MIPEP: variants seen among roughly 807,000 people sequenced by gnomAD.
MIPEP encodes mitochondrial intermediate peptidase.
MIPEP carries 79 observed loss-of-function variants against 90.3 expected under a neutral mutation model. That is an observed-to-expected ratio of 0.87 (90% CI 0.73 to 1.05). MIPEP has a LOEUF of 1.05. Ranked by LOEUF, MIPEP falls within the 50% of genes least tolerant of loss-of-function variation. The probability of loss-of-function intolerance (pLI) is 0.00; values close to 1 mark genes in which losing one functional copy is unlikely to be tolerated. For synonymous variants in MIPEP, 334 were observed against 315.8 expected (o/e 1.06, Z -0.61); for missense variants, 940 against 905.6 (o/e 1.04, Z -0.49).
At chr13:23,765,373 C>T (rs1424377678) in intron 16 of MIPEP, among the ~76,000 whole-genome samples, 1 of 152,156 alleles carries the variant, frequency 6.6e-6, no homozygotes, top group Non-Finnish European at 1.5e-5. Flanking sequence ...GAGGGAGACA[C>T]CACATTCATA....
At position 23,756,592 on chromosome 13, in the gene MIPEP, T is replaced by G. The variant is rs749541952; in HGVS notation, c.1997A>C (p.Glu666Ala). 23 of 1,613,694 alleles carry G rather than the reference T, an allele frequency of 1.4e-5. No homozygotes were observed. Among genetic ancestry groups the G allele is most frequent in the Non-Finnish European group, 1.9e-5 (23 of 1,180,038 alleles). ...NRAAGERYRREMLAHGGGREP... is the reference protein window; with the variant it reads ...NRAAGERYRRAMLAHGGGREP... ...CCTGCCTCCACCGTGGGCCAGCATC[T>G]CCCTGCGATAGCGCTCCCCGGCAGC... Residue 666 changes from glutamate to alanine, a missense_variant, in exon 18 of 19, where the codon GAG (glutamate) becomes GCG (alanine). Coordinates refer to ENST00000382172, the MANE Select transcript of MIPEP (RefSeq NM_005932.4).
intron 16 of MIPEP, among the ~76,000 whole-genome samples, chr13:23,776,282 C>T (rs969654371): frequency 6.6e-6 from 1 of 152,136 alleles, no homozygotes; most frequent in East Asian, 1.9e-4. Context: ...CCCCAAACAA[C>T]AGCCCCTCCC....
chr13:23,740,873 C>T (rs1952320052), intron 18 of MIPEP, among the ~76,000 whole-genome samples: 1 of 152,196 alleles, frequency 6.6e-6, no homozygotes, highest in Admixed American at 6.5e-5. Flanking sequence ...GAAACTGGAT[C>T]TTCCCTTGTG....
At chr13:23,761,125 TTC>T (rs1242657811) in intron 16 of MIPEP, among the ~76,000 whole-genome samples, 2 of 151,322 alleles carry the variant, frequency 1.3e-5, no homozygotes, top group South Asian at 2.1e-4. Flanking sequence ...TGGGAATGCA[TTC>T]TTTTTTTTTT....
At position 23,858,881 on chromosome 13, in the gene MIPEP, C is replaced by A. The variant is rs1384099585; in HGVS notation, c.1085G>T (p.Ser362Ile). Reference protein sequence around the residue: ...EVMPWDPPYYSGVIRAERYNI... With the variant: ...EVMPWDPPYYIGVIRAERYNI... ...TTACCTTTCTGCACGAATCACACCA[C>A]TGTAGTAAGGGGGGTCCCAGGGCAT... Residue 362 changes from serine to isoleucine, a missense_variant, in exon 10 of 19, where the codon AGT becomes ATT. Coordinates refer to ENST00000382172, the MANE Select transcript of MIPEP (RefSeq NM_005932.4). The A allele has an allele frequency of 1.9e-6, 3 of 1,613,570 alleles. No individual in the cohort carries two copies. Among genetic ancestry groups the A allele is most frequent in the Non-Finnish European group, 2.5e-6 (3 of 1,179,696 alleles).
At chr13:23,843,231 C>G (rs1271286790) in intron 10 of MIPEP, among the ~76,000 whole-genome samples, 1 of 152,018 alleles carries the variant, frequency 6.6e-6, no homozygotes, top group Non-Finnish European at 1.5e-5. Context: ...ATAAAATAGC[C>G]TGGTAACTTC....
chr13:23,760,006 G>A, intron 17 of MIPEP, 90 bp downstream of exon 17: 1 of 1,523,518 alleles, frequency 6.6e-7, no homozygotes, highest in Middle Eastern at 1.7e-4. Flanking sequence ...TGTTATGTGG[G>A]CTGCAGTTCT....
At chr13:23,867,401 A>G (rs1321306681) in intron 7 of MIPEP, among the ~76,000 whole-genome samples, 2 of 152,110 alleles carry the variant, frequency 1.3e-5, no homozygotes, top group African/African-American at 2.4e-5. Context: ...GCACGCTCAC[A>G]TTCCACATTC....
At chr13:23,799,872 A>G (rs1291151067) in intron 16 of MIPEP, among the ~76,000 whole-genome samples, 1 of 152,216 alleles carries the variant, frequency 6.6e-6, no homozygotes, top group East Asian at 1.9e-4. Context: ...TGCCATCAAG[A>G]TGGTGAATTT....
At chr13:23,795,419 C>CA (rs1952947341) in intron 16 of MIPEP, among the ~76,000 whole-genome samples, 1 of 152,100 alleles carries the variant, frequency 6.6e-6, no homozygotes, top group South Asian at 2.1e-4. Context: ...AGCCAAGGTC[C>CA]AAAGCAACCC....
chr13:23,745,619 C>T (rs1407411134), intron 18 of MIPEP, among the ~76,000 whole-genome samples: 3 of 152,038 alleles, frequency 2.0e-5, no homozygotes, highest in Non-Finnish European at 4.4e-5. Context: ...GAGGGTGTCA[C>T]GCAGGAAAGT....
At chr13:23,765,055 A>G (rs1414384378) in intron 16 of MIPEP, among the ~76,000 whole-genome samples, 1 of 152,230 alleles carries the variant, frequency 6.6e-6, no homozygotes. Flanking sequence ...TTCTGCAACC[A>G]CAACCAAACG....
intron 15 of MIPEP, 140 bp downstream of exon 15, chr13:23,809,710 C>A: frequency 1.7e-6 from 1 of 591,674 alleles, no homozygotes; most frequent in Non-Finnish European, 2.9e-6. Flanking sequence ...CAATTTTGGT[C>A]AAGTTCTTTG....
At chr13:23,866,241 T>C (rs949187736) in intron 7 of MIPEP, among the ~76,000 whole-genome samples, 1 of 152,168 alleles carries the variant, frequency 6.6e-6, no homozygotes, top group Non-Finnish European at 1.5e-5. Context: ...GTTTTGTCTG[T>C]ACTACTCCAT....
rs995152742 is a variant in MIPEP at position 23,862,417 on chromosome 13, T to C, written c.993-55A>G. 5 of 972,114 alleles carry C rather than the reference T, an allele frequency of 5.1e-6. No homozygotes were observed. The African/African-American group carries it at 6.5e-5, about 13-fold the overall frequency. The allele number at this position is 972,114 out of a possible 1,614,324, so 60.2% of individuals were successfully genotyped here. On this transcript the variant is annotated intron_variant, in intron 8 of 18. Coordinates refer to ENST00000382172, the MANE Select transcript of MIPEP (RefSeq NM_005932.4). ...GGACAAAATTTTAACAATTACATTA[T>C]GAAAGGACTAGTTTGCTTATGTTAC...
chr13:23,825,553 T>C (rs1868411095), intron 14 of MIPEP, among the ~76,000 whole-genome samples: 2 of 152,232 alleles, frequency 1.3e-5, no homozygotes, highest in South Asian at 4.1e-4. Flanking sequence ...TTCCATTTTA[T>C]GAGACACATT....
At chr13:23,849,861 C>T (rs770107955) in intron 10 of MIPEP, among the ~76,000 whole-genome samples, 2 of 152,208 alleles carry the variant, frequency 1.3e-5, no homozygotes, top group African/African-American at 2.4e-5. Context: ...CAACCTCTGA[C>T]GCACCTGGAA....
In MIPEP at chr13:23,837,647, G is replaced by A; in HGVS notation, c.1448C>T (p.Thr483Ile). Reference sequence around the variant, plus strand: ...TTCCATCATGCTAGGAGTTAGCAAAGTTGGAGAACTCCTTGAGGAACGGGG... The same window carrying A: ...TTCCATCATGCTAGGAGTTAGCAAAATTGGAGAACTCCTTGAGGAACGGGG... ...NLPRSSRSSP[T>I]LLTPSMMENL... Residue 483 changes from threonine (T) to isoleucine (I), a missense_variant, in exon 13 of 19, where the codon ACT (threonine) becomes ATT (isoleucine). Thr to Ile is a moderately conservative substitution (Grantham distance 89). Transcript: ENST00000382172. 6.2e-7 allele frequency: 1 copy of A among 1,613,644 alleles called. No homozygotes were observed. The highest frequency in any genetic ancestry group is 1.6e-4 in the Middle Eastern group (1 of 6,062).
At chr13:23,803,505 AT>A (rs1050311976) in intron 16 of MIPEP, among the ~76,000 whole-genome samples, 1 of 151,586 alleles carries the variant, frequency 6.6e-6, no homozygotes, top group African/African-American at 2.4e-5. Flanking sequence ...ACAGGGCTGC[AT>A]TTTTTTTTCC....
Sources: gnomAD v4.1 joint callset for allele counts (sites outside exome capture counted in the v4.1 genomes callset) on GRCh38, gnomAD v4.1.1 for gene constraint, MANE v1.5 for transcripts, NCBI Gene and HGNC (gene_info 2026-07-23, HGNC 2026-07-21) for gene names.